Variants in TMEM132D observed in about 807,000 individuals in gnomAD.
TMEM132D encodes the protein transmembrane protein 132D.
Under a neutral mutation model 62.3 loss-of-function variants are expected in TMEM132D, and 21 were observed. The observed-to-expected ratio is 0.34, with a 90% confidence interval of 0.24 to 0.49. The LOEUF is 0.49. Ranked by LOEUF, TMEM132D falls within the 20% of genes least tolerant of loss-of-function variation. TMEM132D has a pLI of 0.99. For missense variants in TMEM132D, 1,346 were observed against 1,402.8 expected (o/e 0.96, Z 0.65); for synonymous variants, 621 against 575.6 (o/e 1.08, Z -1.13).
chr12:129,097,353 A>G (rs1875149742), intron 5 of TMEM132D, among the ~76,000 whole-genome samples: 1 of 152,260 alleles, frequency 6.6e-6, no homozygotes, highest in South Asian at 2.1e-4. Flanking sequence ...CACAGCTTTT[A>G]TGACTCTCTG....
chr12:129,507,017 A>C (rs1262380441), intron 3 of TMEM132D, among the ~76,000 whole-genome samples: 2 of 152,164 alleles, frequency 1.3e-5, no homozygotes, highest in Non-Finnish European at 2.9e-5. Context: ...CAAGAAAAAA[A>C]CAAACAATCC....
At chr12:129,822,183 G>A (rs970878008) in intron 1 of TMEM132D, among the ~76,000 whole-genome samples, 3 of 152,114 alleles carry the variant, frequency 2.0e-5, no homozygotes, top group Admixed American at 6.5e-5. Context: ...CAGGGGCACC[G>A]TCTCTGAGGA....
At chr12:129,158,496 G>C (rs1022924718) in intron 5 of TMEM132D, among the ~76,000 whole-genome samples, 1 of 152,322 alleles carries the variant, frequency 6.6e-6, no homozygotes, top group Admixed American at 6.5e-5. Flanking sequence ...AAAGTGGTTT[G>C]GAATTTCTTA....
At chr12:129,750,281 T>C (rs1232788238) in intron 1 of TMEM132D, among the ~76,000 whole-genome samples, 2 of 152,150 alleles carry the variant, frequency 1.3e-5, no homozygotes, top group Non-Finnish European at 2.9e-5. Context: ...AGACTGGGTT[T>C]CACTGTGTTA....
At chr12:129,348,254 A>C (rs2135666228) in intron 3 of TMEM132D, among the ~76,000 whole-genome samples, 1 of 152,334 alleles carries the variant, frequency 6.6e-6, no homozygotes, top group South Asian at 2.1e-4. Context: ...ACACATGCAC[A>C]CGTATGTTTA....
intron 3 of TMEM132D, among the ~76,000 whole-genome samples, chr12:129,351,946 T>C (rs1869879491): frequency 6.6e-6 from 1 of 152,172 alleles, no homozygotes; most frequent in South Asian, 2.1e-4. Flanking sequence ...TCATCACTCC[T>C]ATTCAGCCTG....
intron 1 of TMEM132D, among the ~76,000 whole-genome samples, chr12:129,892,966 T>C (rs1481002555): frequency 1.3e-5 from 2 of 152,236 alleles, no homozygotes; most frequent in South Asian, 4.2e-4. Context: ...AACCTCCACC[T>C]CCCAGGTTCA....
At chr12:129,493,077 C>G (rs931696032) in intron 3 of TMEM132D, among the ~76,000 whole-genome samples, 1 of 152,178 alleles carries the variant, frequency 6.6e-6, no homozygotes, top group Non-Finnish European at 1.5e-5. Flanking sequence ...CTGTATCCAG[C>G]TGTACTTGAA....
At chr12:129,162,024 A>C (rs775918462) in intron 5 of TMEM132D, among the ~76,000 whole-genome samples, 7 of 152,328 alleles carry the variant, frequency 4.6e-5, no homozygotes, top group Middle Eastern at 3.4e-3. Context: ...CCTTTTGCAC[A>C]GTATGATGTC....
At position 129,506,340 on chromosome 12, in the gene TMEM132D, C is replaced by T. The variant is rs529873867; in HGVS notation, c.1115+24719G>A. 3.9e-5 allele frequency among the ~76,000 whole-genome samples: 6 copies of T among 152,262 alleles called. No individual in the cohort carries two copies. The South Asian group carries it at 6.2e-4, about 16-fold the overall frequency. On this transcript the variant is annotated intron_variant, in intron 3 of 8. Transcript: ENST00000422113. Reference sequence around the variant, plus strand: ...TTCAAAATACCACCATCATTCTTCACACAACTGGAAAATACAATCCTAAAA... The same window carrying T: ...TTCAAAATACCACCATCATTCTTCATACAACTGGAAAATACAATCCTAAAA...
At chr12:129,408,503 C>T (rs1871865412) in intron 3 of TMEM132D, among the ~76,000 whole-genome samples, 1 of 151,290 alleles carries the variant, frequency 6.6e-6, no homozygotes, top group Non-Finnish European at 1.5e-5. Flanking sequence ...TCCTTATCCC[C>T]TTTAGCAAAG....
chr12:129,389,574 A>G (rs553157273), intron 3 of TMEM132D, among the ~76,000 whole-genome samples: 1 of 151,610 alleles, frequency 6.6e-6, no homozygotes, highest in South Asian at 2.1e-4. Context: ...TACAAACACC[A>G]ATACCAACAC....
intron 1 of TMEM132D, among the ~76,000 whole-genome samples, chr12:129,701,841 A>T (rs1278618135): frequency 6.6e-6 from 1 of 152,170 alleles, no homozygotes; most frequent in East Asian, 1.9e-4. Flanking sequence ...CACCTTTCTC[A>T]AAGGCCCACG....
At chr12:129,329,035 T>TAC (rs2135649661) in intron 4 of TMEM132D, among the ~76,000 whole-genome samples, 1 of 147,854 alleles carries the variant, frequency 6.8e-6, no homozygotes, top group East Asian at 2.0e-4. Context: ...ATGTAAAGAA[T>TAC]ATATATATAT....
At chr12:129,750,997 T>A (rs2137267290) in intron 1 of TMEM132D, among the ~76,000 whole-genome samples, 1 of 152,320 alleles carries the variant, frequency 6.6e-6, no homozygotes, top group Middle Eastern at 3.4e-3. Context: ...ACATTTAAAA[T>A]CTTTGATTTC....
intron 2 of TMEM132D, among the ~76,000 whole-genome samples, chr12:129,695,974 T>C (rs1881198485): frequency 6.6e-6 from 1 of 152,142 alleles, no homozygotes; most frequent in Non-Finnish European, 1.5e-5. Flanking sequence ...ACTTAGAATA[T>C]CACTGGATAC....
chr12:129,748,989 G>T (rs1045425933), intron 1 of TMEM132D, among the ~76,000 whole-genome samples: 2 of 152,188 alleles, frequency 1.3e-5, no homozygotes, highest in African/African-American at 4.8e-5. Context: ...CAACTGATGA[G>T]AAGAGGCTAA....
chr12:129,513,507 C>T (rs1875555600), intron 3 of TMEM132D, among the ~76,000 whole-genome samples: 2 of 151,962 alleles, frequency 1.3e-5, no homozygotes, highest in African/African-American at 4.8e-5. Context: ...GTTTTTGAGA[C>T]AGAGTCTCAC....
chr12:129,427,155 T>C (rs1872523663), intron 3 of TMEM132D, among the ~76,000 whole-genome samples: 3 of 152,254 alleles, frequency 2.0e-5, no homozygotes, highest in South Asian at 4.1e-4. Context: ...TCTATATGTA[T>C]GGATTTGAAT....
Sources: allele counts gnomAD v4.1 joint callset (sites outside exome capture counted in the v4.1 genomes callset), GRCh38; gene constraint gnomAD v4.1.1; transcripts MANE v1.5; gene names NCBI Gene and HGNC (gene_info 2026-07-23, HGNC 2026-07-21).